P2RY8: variants seen among roughly 807,000 people sequenced by gnomAD.
The protein encoded by P2RY8 is P2Y receptor family member 8, also known as S-geranylgeranyl-glutathione receptor P2RY8.
Under a neutral mutation model 10.0 loss-of-function variants are expected in P2RY8, and 6 were observed. The observed-to-expected ratio is 0.60, with a 90% CI of 0.33 to 1.19. P2RY8 has a LOEUF of 1.19. Among genes scored for constraint, P2RY8 ranks in the 50% most tolerant of loss-of-function variants. P2RY8 has a pLI of 0.04. For missense variants in P2RY8, 456 were observed against 542.0 expected, an observed-to-expected ratio of 0.84 and a Z score of 1.58; for synonymous variants, 276 against 252.5, an observed-to-expected ratio of 1.09 and a Z score of -0.88.
At chrX:1,491,301 C>A (rs1234655364) in intron 1 of P2RY8, among the ~76,000 whole-genome samples, 2 of 152,144 alleles carry the variant, frequency 1.3e-5, no homozygotes, top group Non-Finnish European at 2.9e-5. Flanking sequence ...CCCAGATATT[C>A]CCCACAAATG....
At chrX:1,510,808 G>A (rs1603458093) in intron 1 of P2RY8, among the ~76,000 whole-genome samples, 1 of 152,068 alleles carries the variant, frequency 6.6e-6, no homozygotes, top group Admixed American at 6.6e-5. Flanking sequence ...GAACCTGGGA[G>A]GCGGAGGTTG....
chrX:1,475,494 G>A (rs1295617158), intron 1 of P2RY8, among the ~76,000 whole-genome samples: 4 of 151,990 alleles, frequency 2.6e-5, no homozygotes, highest in Non-Finnish European at 5.9e-5. Flanking sequence ...AGAATGCATT[G>A]CTGTTATTTA....
intron 1 of P2RY8, among the ~76,000 whole-genome samples, chrX:1,536,680 G>T (rs2092529560): frequency 6.6e-6 from 1 of 152,198 alleles, no homozygotes; most frequent in Non-Finnish European, 1.5e-5. Flanking sequence ...AGTTATTAAA[G>T]GAAGGGTGGC....
rs1222990129 is a variant in P2RY8 at position 1,465,596 on chromosome X, G to A, written c.963C>T (p.Arg321=). The change falls in exon 2 of 2, where the codon CGC becomes CGT. Residue 321 remains arginine (R), a synonymous_variant. Transcript: ENST00000381297. ...TCCTGGCGGAGAAGAGGCTCTCGCG[G>A]CGCGTGTCCAGGGTGTCTCTGGGCA... ...RRVPRDTLDT[R]RESLFSARTT... 2.5e-6 allele frequency: 4 copies of A among 1,613,120 alleles called. No individual in the cohort carries two copies. The highest frequency in any genetic ancestry group is 2.7e-5 in the African/African-American group (2 of 75,046).
chrX:1,514,880 TCCTCTCCCCTCC>T (rs1841682635), intron 1 of P2RY8, among the ~76,000 whole-genome samples: 1 of 5,202 alleles, frequency 1.9e-4, no homozygotes, highest in Non-Finnish European at 5.0e-4. Context: ...TCCCCTGTCT[TCCTCTCCCCTCC>T]CCTTCCCCTC....
chrX:1,467,787 C>T (rs1201634304), intron 1 of P2RY8, among the ~76,000 whole-genome samples: 1 of 152,190 alleles, frequency 6.6e-6, no homozygotes, highest in Non-Finnish European at 1.5e-5. Context: ...AGCAATCCTC[C>T]TGCCTCAGCC....
At chrX:1,509,495 C>T (rs1189664135) in intron 1 of P2RY8, among the ~76,000 whole-genome samples, 1 of 127,056 alleles carries the variant, frequency 7.9e-6, no homozygotes, top group African/African-American at 3.2e-5. Flanking sequence ...ATCCATCCAT[C>T]CATCCCTCCA....
chrX:1,477,993 G>A lies in P2RY8; in HGVS notation c.-24-11411C>T, dbSNP rs748585066. On this transcript the variant is annotated intron_variant, in intron 1 of 1. Coordinates refer to ENST00000381297, the MANE Select transcript of P2RY8 (RefSeq NM_178129.5). The stretch of plus-strand genomic sequence containing the variant: ...TGCACGTGCCCCTCATTGCCTTGCC[G>A]TCACGGACCTCCCACCCCATCACAG... 2.6e-4 allele frequency among the ~76,000 whole-genome samples: 39 copies of A among 152,234 alleles called. No individual in the cohort carries two copies. The South Asian group carries it at 7.2e-3, about 28-fold the overall frequency.
At chrX:1,509,788 G>A (rs865841938) in intron 1 of P2RY8, among the ~76,000 whole-genome samples, 1 of 74,740 alleles carries the variant, frequency 1.3e-5, no homozygotes, top group Non-Finnish European at 2.6e-5. Flanking sequence ...TATCATCTAT[G>A]TATCCATCCT....
chrX:1,514,331 T>G (rs1184124093), intron 1 of P2RY8, among the ~76,000 whole-genome samples: 1 of 77,812 alleles, frequency 1.3e-5, no homozygotes, highest in Non-Finnish European at 3.5e-5. Flanking sequence ...TTTCCATTTC[T>G]TTCCTTTCCT....
intron 1 of P2RY8, among the ~76,000 whole-genome samples, chrX:1,504,871 G>A (rs779136620): frequency 4.6e-5 from 7 of 152,194 alleles, no homozygotes; most frequent in Non-Finnish European, 4.4e-5. Context: ...GGTGGCTCAC[G>A]CCTGTCATCC....
chrX:1,508,717 TCTATCTA>T (rs2092258875), intron 1 of P2RY8, among the ~76,000 whole-genome samples: 80 of 84,264 alleles, frequency 9.5e-4, no homozygotes, highest in South Asian at 1.7e-3. Flanking sequence ...TATCTATCTA[TCTATCTA>T]TCTATCTATC....
chrX:1,463,095 C>G lies in P2RY8; in HGVS notation c.*2384G>C. On this transcript the variant is annotated 3_prime_UTR_variant, in exon 2 of 2. Coordinates refer to ENST00000381297, the MANE Select transcript of P2RY8 (RefSeq NM_178129.5). Reference sequence around the variant, plus strand: ...GTCTCGGCTTCCTCTGACTCAAGCTCTCATTTTTGTTTACAAGGCAGTTTA... The same window carrying G: ...GTCTCGGCTTCCTCTGACTCAAGCTGTCATTTTTGTTTACAAGGCAGTTTA... 8.6e-6 allele frequency: 2 copies of G among 233,134 alleles called. No individual in the cohort carries two copies. The highest frequency in any genetic ancestry group is 1.7e-5 in the Non-Finnish European group (2 of 118,028). 14.4% of individuals were successfully genotyped at this position (233,134 alleles called of 1,614,324 possible). A position where few individuals can be genotyped will look rare whatever the true frequency, so the allele number is the denominator to read the frequency against.
chrX:1,473,808 A>ATGGGTGGGTGGG (rs2091835037), intron 1 of P2RY8, among the ~76,000 whole-genome samples: 1 of 74,562 alleles, frequency 1.3e-5, no homozygotes, highest in Non-Finnish European at 2.6e-5. Context: ...GGGTTTGTGA[A>ATGGGTGGGTGGG]TGGGTGAGTG....
chrX:1,533,101 G>T (rs1436582362), intron 1 of P2RY8, among the ~76,000 whole-genome samples: 3 of 150,394 alleles, frequency 2.0e-5, no homozygotes, highest in African/African-American at 7.3e-5. Flanking sequence ...TTGGGGAGAG[G>T]ATGAGGGATA....
intron 1 of P2RY8, among the ~76,000 whole-genome samples, chrX:1,485,592 CAT>C (rs763648617): frequency 2.8e-4 from 42 of 147,704 alleles, no homozygotes; most frequent in African/African-American, 8.1e-4. Flanking sequence ...TATACATAAT[CAT>C]ATAAAGTGAT....
At chrX:1,512,678 T>C (rs1408448646) in intron 1 of P2RY8, among the ~76,000 whole-genome samples, 1 of 151,690 alleles carries the variant, frequency 6.6e-6, no homozygotes, top group Non-Finnish European at 1.5e-5. Flanking sequence ...AGGAGCAAAG[T>C]CATGTCTTAC....
At chrX:1,525,852 CTCAT>C (rs1308014395) in intron 1 of P2RY8, among the ~76,000 whole-genome samples, 1 of 151,008 alleles carries the variant, frequency 6.6e-6, no homozygotes, top group Admixed American at 6.6e-5. Flanking sequence ...CATTCATTCA[CTCAT>C]TCATCTATTC....
chrX:1,530,777 C>T (rs190888146), intron 1 of P2RY8, among the ~76,000 whole-genome samples: 25 of 149,266 alleles, frequency 1.7e-4, no homozygotes, highest in Admixed American at 9.3e-4. Flanking sequence ...ATCTAATTTA[C>T]GTATGTATCT....
Sources: gnomAD v4.1 joint callset for allele counts (sites outside exome capture counted in the v4.1 genomes callset) on GRCh38, gnomAD v4.1.1 for gene constraint, MANE v1.5 for transcripts, NCBI Gene and HGNC (gene_info 2026-07-23, HGNC 2026-07-21) for gene names.